MARCHF1: variants seen among roughly 807,000 people sequenced by gnomAD.
The protein encoded by MARCHF1 is E3 ubiquitin-protein ligase MARCHF1.
A neutral mutation model predicts 54.2 loss-of-function variants in MARCHF1; 40 were observed. That is an observed-to-expected ratio of 0.74 (90% CI 0.57 to 0.96). The LOEUF is 0.96. Among genes scored for constraint, MARCHF1 ranks in the 40% least tolerant of loss-of-function variants. The probability of loss-of-function intolerance (pLI) is 0.00; values close to 1 mark genes in which losing one functional copy is unlikely to be tolerated. For synonymous variants in MARCHF1, 236 were observed against 236.3 expected (o/e 1.00, Z 0.01); for missense variants, 586 against 656.5 (o/e 0.89, Z 1.17).
At chr4:164,281,901 C>A (rs1006071035) in intron 1 of MARCHF1, among the ~76,000 whole-genome samples, 1 of 143,378 alleles carries the variant, frequency 7.0e-6, no homozygotes, top group Admixed American at 7.8e-5. Context: ...TGTCCCTTTG[C>A]AAAACTCAGT....
intron 1 of MARCHF1, among the ~76,000 whole-genome samples, chr4:164,313,182 CAA>C (rs140895798): frequency 4.3e-4 from 51 of 119,332 alleles, no homozygotes; most frequent in African/African-American, 1.3e-3. Flanking sequence ...ACTAAAAATA[CAA>C]AAAAAAAAAA....
intron 4 of MARCHF1, among the ~76,000 whole-genome samples, chr4:163,723,523 A>C (rs1397941077): frequency 6.6e-6 from 1 of 151,976 alleles, no homozygotes; most frequent in Non-Finnish European, 1.5e-5. Context: ...CTTCTCGAGG[A>C]GTATCTTTGT....
intron 1 of MARCHF1, among the ~76,000 whole-genome samples, chr4:164,315,231 C>CAA (rs58264322): frequency 0.079 from 7,955 of 100,584 alleles, 561 homozygotes; most frequent in East Asian, 0.25. Flanking sequence ...GTTAATTTAA[C>CAA]AAAAAAAAAA....
intron 1 of MARCHF1, among the ~76,000 whole-genome samples, chr4:164,308,229 G>A (rs1734747696): frequency 1.3e-5 from 2 of 152,126 alleles, no homozygotes; most frequent in African/African-American, 4.8e-5. Flanking sequence ...AATTCAGAGG[G>A]TCTTGATATT....
intron 4 of MARCHF1, among the ~76,000 whole-genome samples, chr4:163,702,206 G>C (rs1170300): frequency 0.84 from 127,672 of 152,112 alleles, 53,944 homozygotes; most frequent in Non-Finnish European, 0.89. Flanking sequence ...GTTAGTTACA[G>C]CTCATAACAG....
intron 1 of MARCHF1, among the ~76,000 whole-genome samples, chr4:164,301,039 G>A (rs575995328): frequency 5.3e-5 from 8 of 151,994 alleles, no homozygotes; most frequent in African/African-American, 1.4e-4. Context: ...TAAGATCTTC[G>A]GAAAGATGCT....
intron 4 of MARCHF1, among the ~76,000 whole-genome samples, chr4:163,744,517 G>C (rs529858493): frequency 1.4e-3 from 211 of 152,284 alleles, no homozygotes; most frequent in African/African-American, 4.8e-3. Flanking sequence ...TCAGTGACTT[G>C]TCTATAAAAT....
intron 9 of MARCHF1, among the ~76,000 whole-genome samples, chr4:163,543,986 G>A (rs914970347): frequency 6.6e-6 from 1 of 152,152 alleles, no homozygotes; most frequent in African/African-American, 2.4e-5. Flanking sequence ...AGCTCTAAAT[G>A]TGTCATCTAA....
At chr4:164,222,116 T>A (rs2111154555) in intron 1 of MARCHF1, among the ~76,000 whole-genome samples, 1 of 152,104 alleles carries the variant, frequency 6.6e-6, no homozygotes, top group African/African-American at 2.4e-5. Flanking sequence ...TAAGTGCCTT[T>A]CAAATTAATT....
chr4:164,357,092 C>T (rs1730575856), intron 1 of MARCHF1, among the ~76,000 whole-genome samples: 1 of 148,078 alleles, frequency 6.8e-6, no homozygotes, highest in South Asian at 2.2e-4. Context: ...TCTGCATATG[C>T]ACCCCTGAAC....
At chr4:164,365,397 G>A (rs954081530) in intron 1 of MARCHF1, among the ~76,000 whole-genome samples, 2 of 152,084 alleles carry the variant, frequency 1.3e-5, no homozygotes, top group East Asian at 3.9e-4. Flanking sequence ...ATATGTGTTG[G>A]CTAGATCTTT....
rs148926910 is a variant in MARCHF1, at chr4:163,996,091, C to A, written c.-247-7382G>T. On this transcript the variant is annotated intron_variant, in intron 2 of 9. Coordinates refer to ENST00000514618, the MANE Select transcript of MARCHF1 (RefSeq NM_001394959.1). ...TCTGAAAGATCCAATTTTTTTATTA[C>A]TGAAGGAATAGTTAAGTTTGAGGGA... Among the ~76,000 whole-genome samples the A allele has an allele frequency of 5.6e-3, 843 of 151,760 alleles. 5 individuals carry two copies. The highest frequency in any genetic ancestry group is 0.01 in the Non-Finnish European group (697 of 67,914).
intron 2 of MARCHF1, among the ~76,000 whole-genome samples, chr4:164,009,338 G>C (rs1378385731): frequency 1.3e-5 from 2 of 152,074 alleles, no homozygotes; most frequent in Admixed American, 1.3e-4. Context: ...TCCAGGACCT[G>C]ATAAGTTCCC....
Position 164,210,842 on chromosome 4 carries a change from A to G in MARCHF1, c.-322-99180T>C, listed in dbSNP as rs149270744. Among the ~76,000 whole-genome samples, 221 of 152,262 alleles carry G rather than the reference A, an allele frequency of 1.5e-3. 1 individual carries two copies. Among genetic ancestry groups the G allele is most frequent in the African/African-American group, 4.7e-3 (195 of 41,570 alleles). ...AATGGATAAAGAAAATGTGGCAAAT[A>G]TACTGCCTTTATAAAGAAAACTATT... On this transcript the variant is annotated intron_variant, in intron 1 of 9. Transcript: ENST00000514618.
At chr4:164,345,349 T>C (rs540010449) in intron 1 of MARCHF1, among the ~76,000 whole-genome samples, 102 of 152,188 alleles carry the variant, frequency 6.7e-4, no homozygotes, top group African/African-American at 2.3e-3. Flanking sequence ...AAAGGATCAC[T>C]TGAGTCCAGC....
At chr4:164,324,726 AC>A (rs1457738567) in intron 1 of MARCHF1, among the ~76,000 whole-genome samples, 1 of 151,470 alleles carries the variant, frequency 6.6e-6, no homozygotes, top group African/African-American at 2.4e-5. Context: ...TGCAAGAGCA[AC>A]AAAAATATAA....
At chr4:164,003,807 A>T (rs1579453170) in intron 2 of MARCHF1, among the ~76,000 whole-genome samples, 1 of 152,150 alleles carries the variant, frequency 6.6e-6, no homozygotes, top group African/African-American at 2.4e-5. Context: ...AAGGAATATA[A>T]ATCATTCTAT....
chr4:163,994,383 T>C (rs556278927), intron 2 of MARCHF1, among the ~76,000 whole-genome samples: 1 of 151,590 alleles, frequency 6.6e-6, no homozygotes, highest in South Asian at 2.1e-4. Flanking sequence ...ACTGTCAGTA[T>C]CTCTGGGGTC....
intron 2 of MARCHF1, among the ~76,000 whole-genome samples, chr4:163,999,430 A>G (rs1168284348): frequency 6.6e-6 from 1 of 151,736 alleles, no homozygotes; most frequent in South Asian, 2.1e-4. Flanking sequence ...ACAATTGAGT[A>G]TATTTCTTGA....
Sources: gnomAD v4.1 joint callset for allele counts (sites outside exome capture counted in the v4.1 genomes callset) on GRCh38, gnomAD v4.1.1 for gene constraint, MANE v1.5 for transcripts, NCBI Gene and HGNC (gene_info 2026-07-23, HGNC 2026-07-21) for gene names.